EPS15: variants seen among roughly 807,000 people sequenced by gnomAD.
The protein encoded by EPS15 is epidermal growth factor receptor substrate 15.
In EPS15, 72 loss-of-function variants were observed where a neutral mutation model predicts 113.8. The observed-to-expected ratio is 0.63, with a 90% confidence interval of 0.52 to 0.77. The LOEUF is 0.77. EPS15 is among the 30% of genes least tolerant of loss of function. The pLI is 0.00. For missense variants in EPS15, 1,048 were observed against 1,045.8 expected, an observed-to-expected ratio of 1.00 and a Z score of -0.03; for synonymous variants, 344 against 363.4, an observed-to-expected ratio of 0.95 and a Z score of 0.61.
intron 13 of EPS15, among the ~76,000 whole-genome samples, chr1:51,412,042 C>G (rs56239241): frequency 0.03 from 4,577 of 152,220 alleles, 76 homozygotes; most frequent in African/African-American, 0.05. Context: ...AAAGAATGAG[C>G]TCATGTCCTT....
intron 1 of EPS15, among the ~76,000 whole-genome samples, chr1:51,503,006 C>CAAAAAAAAAAAAAA (rs56340331): frequency 2.1e-3 from 141 of 67,402 alleles, no homozygotes; most frequent in African/African-American, 5.6e-3. Flanking sequence ...GACTCTGTCT[C>CAAAAAAAAAAAAAA]AAAAAAAAAA....
intron 1 of EPS15, among the ~76,000 whole-genome samples, chr1:51,490,557 T>C (rs1481704809): frequency 6.1e-5 from 6 of 98,058 alleles, no homozygotes; most frequent in African/African-American, 2.2e-4. Context: ...AGTGCGAGAC[T>C]CCATCTCAAA....
intron 1 of EPS15, among the ~76,000 whole-genome samples, chr1:51,509,981 G>A (rs1644589890): frequency 6.6e-6 from 1 of 152,206 alleles, no homozygotes; most frequent in Non-Finnish European, 1.5e-5. Context: ...CCACTTAGCA[G>A]CAGTTTGACC....
Position 51,509,585 on chromosome 1 carries a change from C to T in EPS15, c.33+9614G>A, listed in dbSNP as rs143176320. On this transcript the variant is annotated intron_variant, in intron 1 of 24. Coordinates refer to ENST00000371733, the MANE Select transcript of EPS15 (RefSeq NM_001981.3). ...ACATTTTATCTTTAGCAATACAATACTGTAGAAACTCCAAGTCCAAATAAC... is the reference window on the plus strand; with the variant it reads ...ACATTTTATCTTTAGCAATACAATATTGTAGAAACTCCAAGTCCAAATAAC... 1.5e-4 allele frequency among the ~76,000 whole-genome samples: 23 copies of T among 152,246 alleles called. No individual in the cohort carries two copies. The East Asian group carries it at 4.1e-3, about 27-fold the overall frequency.
At chr1:51,486,064 C>T (rs1021048059) in intron 1 of EPS15, among the ~76,000 whole-genome samples, 1 of 151,980 alleles carries the variant, frequency 6.6e-6, no homozygotes, top group African/African-American at 2.4e-5. Context: ...TCCCAAAGTG[C>T]TGGGATTACA....
At chr1:51,433,671 G>A (rs181166002) in intron 12 of EPS15, among the ~76,000 whole-genome samples, 281 of 152,354 alleles carry the variant, frequency 1.8e-3, no homozygotes, top group African/African-American at 6.7e-3. Flanking sequence ...CTTCAGGGAT[G>A]TTACAAGAGC....
intron 22 of EPS15, among the ~76,000 whole-genome samples, chr1:51,364,930 T>C (rs1646474971): frequency 6.6e-6 from 1 of 151,422 alleles, no homozygotes. Flanking sequence ...CTTGGGCTCA[T>C]GTGATCCTCC....
intron 24 of EPS15, among the ~76,000 whole-genome samples, chr1:51,358,994 C>T (rs1247527053): frequency 6.6e-6 from 1 of 151,944 alleles, no homozygotes; most frequent in Admixed American, 6.6e-5. Context: ...GTGAGCCACC[C>T]CGTCTGGCCC....
At chr1:51,467,346 C>T (rs1286765743) in intron 5 of EPS15, among the ~76,000 whole-genome samples, 6 of 152,210 alleles carry the variant, frequency 3.9e-5, no homozygotes, top group African/African-American at 1.4e-4. Flanking sequence ...AAATACATTC[C>T]TGCACATGCA....
chr1:51,368,694 T>A (rs1646568267), intron 21 of EPS15, among the ~76,000 whole-genome samples: 1 of 151,738 alleles, frequency 6.6e-6, no homozygotes, highest in African/African-American at 2.4e-5. Context: ...GCCTCCCAGA[T>A]TCAAGTGATT....
chr1:51,498,053 T>C (rs1315781584), intron 1 of EPS15, among the ~76,000 whole-genome samples: 2 of 151,976 alleles, frequency 1.3e-5, no homozygotes, highest in Non-Finnish European at 2.9e-5. Context: ...GATTCATAAT[T>C]AGGAAAAAAA....
intron 1 of EPS15, among the ~76,000 whole-genome samples, chr1:51,516,985 G>C (rs538307758): frequency 2.6e-5 from 4 of 152,278 alleles, no homozygotes; most frequent in African/African-American, 9.6e-5. Flanking sequence ...GGGGGGAACA[G>C]AGGATGACAA....
At chr1:51,486,800 T>C (rs1367925570) in intron 1 of EPS15, among the ~76,000 whole-genome samples, 1 of 151,942 alleles carries the variant, frequency 6.6e-6, no homozygotes, top group Non-Finnish European at 1.5e-5. Flanking sequence ...TCCCTCAGCC[T>C]CCCGCCACCA....
intron 16 of EPS15, among the ~76,000 whole-genome samples, chr1:51,405,645 C>A (rs779221738): frequency 4.6e-5 from 7 of 151,882 alleles, no homozygotes; most frequent in Admixed American, 1.3e-4. Context: ...TTGCAGTAAG[C>A]CAAGATCGCA....
At chr1:51,467,016 A>C (rs1425770400) in intron 5 of EPS15, among the ~76,000 whole-genome samples, 2 of 152,252 alleles carry the variant, frequency 1.3e-5, no homozygotes, top group Non-Finnish European at 2.9e-5. Flanking sequence ...ATAAACAGAC[A>C]TTCACATAAA....
At chr1:51,501,681 G>A (rs530286600) in intron 1 of EPS15, among the ~76,000 whole-genome samples, 5 of 151,978 alleles carry the variant, frequency 3.3e-5, no homozygotes, top group Admixed American at 6.6e-5. Flanking sequence ...GTTTCGCCTC[G>A]TTGGCCAGGC....
intron 6 of EPS15, among the ~76,000 whole-genome samples, chr1:51,464,116 T>C (rs190546482): frequency 6.6e-6 from 1 of 152,288 alleles, no homozygotes; most frequent in African/African-American, 2.4e-5. Flanking sequence ...TTGAAGAACA[T>C]CTAGTCCAAC....
intron 1 of EPS15, among the ~76,000 whole-genome samples, chr1:51,518,649 C>T (rs1644774494): frequency 6.6e-6 from 1 of 152,116 alleles, no homozygotes; most frequent in Non-Finnish European, 1.5e-5. Context: ...GGAGGGCTTC[C>T]GTCGGACCCT....
chr1:51,401,934 G>A (rs929622661), intron 18 of EPS15, among the ~76,000 whole-genome samples: 1 of 151,998 alleles, frequency 6.6e-6, no homozygotes, highest in African/African-American at 2.4e-5. Flanking sequence ...GTCAAGAGAT[G>A]GAGACCATCC....
Sources: gnomAD v4.1 joint callset for allele counts (sites outside exome capture counted in the v4.1 genomes callset) on GRCh38, gnomAD v4.1.1 for gene constraint, MANE v1.5 for transcripts, NCBI Gene and HGNC (gene_info 2026-07-23, HGNC 2026-07-21) for gene names.